The following MIS18A variants were observed in gnomAD, a reference collection of about 807,000 sequenced individuals.
MIS18A encodes MIS18 kinetochore protein A.
A neutral mutation model predicts 25.0 loss-of-function variants in MIS18A; 14 were observed. The observed-to-expected ratio is 0.56, with a 90% confidence interval of 0.37 to 0.88. The LOEUF (loss-of-function observed/expected upper bound fraction) is 0.88, where lower values mean the gene tolerates loss of function less well. Among genes scored for constraint, MIS18A ranks in the 40% least tolerant of loss-of-function variants. MIS18A has a pLI of 0.00. For synonymous variants in MIS18A, 134 were observed against 118.6 expected (o/e 1.13, Z -0.84); for missense variants, 292 against 290.8 (o/e 1.00, Z -0.03).
At chr21:32,239,229 C>T in the MIS18A span, among the ~76,000 whole-genome samples, 2 of 152,152 alleles carry the variant, frequency 1.3e-5, no homozygotes, top group Non-Finnish European at 2.9e-5. Context: ...CACTTGCTTT[C>T]CGTCCGACCT....
At chr21:32,162,578 T>C in the MIS18A span, among the ~76,000 whole-genome samples, 1 of 152,324 alleles carries the variant, frequency 6.6e-6, no homozygotes, top group East Asian at 1.9e-4. Flanking sequence ...ATTGTACTGA[T>C]CGTATCATAG....
At chr21:32,221,145 T>G in the MIS18A span, among the ~76,000 whole-genome samples, 1 of 151,770 alleles carries the variant, frequency 6.6e-6, no homozygotes, top group Non-Finnish European at 1.5e-5. Context: ...AGAAAGATAC[T>G]CCTCGAGAAG....
At chr21:32,248,051 C>T in the MIS18A span, among the ~76,000 whole-genome samples, 2 of 152,144 alleles carry the variant, frequency 1.3e-5, no homozygotes, top group Non-Finnish European at 2.9e-5. Flanking sequence ...GGTGAAGATA[C>T]CCCCTCCTTG....
the MIS18A span, among the ~76,000 whole-genome samples, chr21:32,155,065 A>AT: frequency 6.6e-6 from 1 of 152,004 alleles, no homozygotes; most frequent in Non-Finnish European, 1.5e-5. Context: ...AGATAGGTTT[A>AT]TTTTTACCAC....
the MIS18A span, among the ~76,000 whole-genome samples, chr21:32,177,487 T>A: frequency 4.6e-5 from 7 of 152,100 alleles, no homozygotes; most frequent in Non-Finnish European, 8.8e-5. Context: ...TATTGGAAAG[T>A]AAGAAATGAA....
the MIS18A span, among the ~76,000 whole-genome samples, chr21:32,229,494 C>G: frequency 6.6e-6 from 1 of 152,130 alleles, no homozygotes; most frequent in Non-Finnish European, 1.5e-5. Context: ...TAATTACCCG[C>G]TGCATTAGTA....
At chr21:32,259,195 C>T in the MIS18A span, among the ~76,000 whole-genome samples, 3 of 152,134 alleles carry the variant, frequency 2.0e-5, no homozygotes, top group Non-Finnish European at 4.4e-5. Context: ...TTCTGATAAG[C>T]CTCAGGCAAT....
chr21:32,236,477 T>G, the MIS18A span, among the ~76,000 whole-genome samples: 1 of 36 alleles, frequency 0.028, no homozygotes, highest in Non-Finnish European at 0.05. Context: ...AAAAAATAAA[T>G]TCAAAATCTA....
rs2031780392 is a variant in MIS18A at position 32,274,827 on chromosome 21, CACCA to C, written c.400_401+2del. 4.4e-6 allele frequency: 7 copies of C among 1,608,070 alleles called. No individual in the cohort carries two copies. Among genetic ancestry groups the C allele is most frequent in the Non-Finnish European group, 6.0e-6 (7 of 1,175,246 alleles). Reference sequence around the variant, plus strand: ...ATATTCATATAAATACAGTTTTACTCACCAACCATTTTCCTTTTCACGTTTGGAT... The same window carrying C: ...ATATTCATATAAATACAGTTTTACTCACCATTTTCCTTTTCACGTTTGGAT... On this transcript the variant is annotated splice_donor_variant and coding_sequence_variant, in exon 2 of 5. Transcript: ENST00000290130. LOFTEE classifies it high-confidence loss of function.
chr21:32,160,460 G>T, the MIS18A span, among the ~76,000 whole-genome samples: 2 of 152,036 alleles, frequency 1.3e-5, no homozygotes, highest in Non-Finnish European at 2.9e-5. Context: ...TTGTGACACA[G>T]ACTCAGGAGC....
chr21:32,264,715 G>A (rs1301132555), downstream of MIS18A, among the ~76,000 whole-genome samples: 1 of 152,028 alleles, frequency 6.6e-6, no homozygotes, highest in Non-Finnish European at 1.5e-5. Context: ...ATGGCTCCTT[G>A]GTTTAAGAAG....
At chr21:32,175,689 C>T in the MIS18A span, among the ~76,000 whole-genome samples, 1 of 150,304 alleles carries the variant, frequency 6.7e-6, no homozygotes, top group Non-Finnish European at 1.5e-5. Context: ...TGCCTGTAAT[C>T]CCAGCTACTA....
the MIS18A span, among the ~76,000 whole-genome samples, chr21:32,236,416 G>A: frequency 1.5e-4 from 23 of 152,144 alleles, no homozygotes; most frequent in African/African-American, 5.3e-4. Context: ...ACTTGGGCAG[G>A]AAATGTGTAT....
At chr21:32,161,023 A>G in the MIS18A span, among the ~76,000 whole-genome samples, 2 of 152,202 alleles carry the variant, frequency 1.3e-5, no homozygotes, top group African/African-American at 4.8e-5. Context: ...TTTTAAATAG[A>G]AGAGGAGGCA....
the MIS18A span, among the ~76,000 whole-genome samples, chr21:32,240,858 C>T: frequency 2.0e-5 from 3 of 152,112 alleles, no homozygotes; most frequent in Non-Finnish European, 4.4e-5. Context: ...TATTTGCATC[C>T]CTCTCCCTTG....
downstream of MIS18A, among the ~76,000 whole-genome samples, chr21:32,263,275 G>A (rs995045345): frequency 2.6e-5 from 4 of 152,296 alleles, no homozygotes; most frequent in African/African-American, 9.6e-5. Flanking sequence ...TCCAGGAGAG[G>A]TGGAGAATGT....
the MIS18A span, among the ~76,000 whole-genome samples, chr21:32,210,129 T>C: frequency 6.6e-6 from 1 of 152,288 alleles, no homozygotes; most frequent in East Asian, 1.9e-4. Flanking sequence ...CTGAATGGCT[T>C]CATAGGGAGG....
At chr21:32,253,587 G>A in the MIS18A span, among the ~76,000 whole-genome samples, 1 of 152,168 alleles carries the variant, frequency 6.6e-6, no homozygotes, top group Non-Finnish European at 1.5e-5. Context: ...ACTCCTGGCT[G>A]ATGGGAGCCC....
At chr21:32,235,804 C>T in the MIS18A span, among the ~76,000 whole-genome samples, 1 of 152,074 alleles carries the variant, frequency 6.6e-6, no homozygotes, top group African/African-American at 2.4e-5. Context: ...GGAGAACAAG[C>T]TTTTCTAAGG....
Sources: gnomAD v4.1 joint callset for allele counts (sites outside exome capture counted in the v4.1 genomes callset) on GRCh38, gnomAD v4.1.1 for gene constraint, MANE v1.5 for transcripts, NCBI Gene and HGNC (gene_info 2026-07-23, HGNC 2026-07-21) for gene names.